Variants in SPANXN4 observed in about 807,000 individuals in gnomAD.
The protein encoded by SPANXN4 is sperm protein associated with the nucleus on the X chromosome N4.
In SPANXN4, 5 loss-of-function variants were observed where a neutral mutation model predicts 6.0. The ratio of observed to expected loss-of-function variants is 0.83; its 90% CI spans 0.44 to 1.75. The LOEUF (loss-of-function observed/expected upper bound fraction) is 1.75, where lower values mean the gene tolerates loss of function less well. Ranked by LOEUF, SPANXN4 falls within the 40% of genes most tolerant of loss-of-function variation. The pLI, the probability that SPANXN4 is intolerant of heterozygous loss-of-function variation, is 0.02. For synonymous variants in SPANXN4, 45 were observed against 38.0 expected, an observed-to-expected ratio of 1.19 and a Z score of -0.68; for missense variants, 157 against 108.6, an observed-to-expected ratio of 1.45 and a Z score of -1.98.
intron 1 of SPANXN4, 144 bp downstream of exon 1, chrX:143,026,236 A>G: frequency 4.1e-6 from 2 of 482,955 alleles, no homozygotes. Flanking sequence ...CGCTACATAC[A>G]GGCCAGCGTA....
chrX:143,027,889 C>T (rs1932787276), intron 1 of SPANXN4, among the ~76,000 whole-genome samples: 1 of 110,722 alleles, frequency 9.0e-6, no homozygotes, highest in Admixed American at 9.6e-5. Context: ...TTTTGGAAGG[C>T]GCCCTGCAGT....
chrX:143,027,957 G>A (rs1213658575), intron 1 of SPANXN4, among the ~76,000 whole-genome samples: 2 of 111,289 alleles, frequency 1.8e-5, no homozygotes, highest in Non-Finnish European at 3.8e-5. Context: ...CATGGGGAAG[G>A]GACACCAGGA....
exon 2 of SPANXN4, chrX:143,034,181 C>A: frequency 8.5e-7 from 1 of 1,180,904 alleles, no homozygotes; most frequent in South Asian, 1.9e-5. Context: ...CTCCACTGAT[C>A]CAATCAAAGA....
chrX:143,031,898 A>G (rs1187127455), intron 1 of SPANXN4, among the ~76,000 whole-genome samples: 1 of 111,554 alleles, frequency 9.0e-6, no homozygotes, highest in Non-Finnish European at 1.9e-5. Flanking sequence ...GTAGAGGAAA[A>G]GAGCATGGGC....
chrX:143,027,209 G>C (rs183593632), intron 1 of SPANXN4, among the ~76,000 whole-genome samples: 58 of 112,326 alleles, frequency 5.2e-4, no homozygotes, highest in Non-Finnish European at 9.9e-4. Flanking sequence ...AAGTTGAATA[G>C]CTGCCAGCAA....
At chrX:143,028,096 G>A (rs972101747) in intron 1 of SPANXN4, among the ~76,000 whole-genome samples, 3 of 111,629 alleles carry the variant, frequency 2.7e-5, no homozygotes, top group African/African-American at 9.8e-5. Context: ...CTGTGAGGGA[G>A]AGAGAGTAAT....
intron 1 of SPANXN4, among the ~76,000 whole-genome samples, chrX:143,027,849 G>T (rs987401769): frequency 2.7e-5 from 3 of 110,923 alleles, no homozygotes; most frequent in Non-Finnish European, 5.7e-5. Flanking sequence ...AGGGCAAAAG[G>T]AGAAAAAGGA....
intron 1 of SPANXN4, among the ~76,000 whole-genome samples, chrX:143,027,851 GA>G (rs1932787118): frequency 9.0e-6 from 1 of 110,917 alleles, no homozygotes; most frequent in Non-Finnish European, 1.9e-5. Flanking sequence ...GGCAAAAGGA[GA>G]AAAAGGAGAT....
intron 2 of SPANXN4, 84 bp downstream of exon 2, chrX:143,034,395 G>A: frequency 9.4e-7 from 1 of 1,064,214 alleles, no homozygotes; most frequent in East Asian, 3.3e-5. Flanking sequence ...GGAGGGATAT[G>A]AGATCCTGTA....
chrX:143,034,314 A>C lies in SPANXN4; in HGVS notation c.283+82A>C. The C allele has an allele frequency of 1.9e-6, 2 of 1,060,718 alleles. No individual in the cohort carries two copies. Among genetic ancestry groups the C allele is most frequent in the East Asian group, 6.6e-5 (2 of 30,191 alleles). The allele number at this position is 1,060,718 out of a possible 1,213,427, so 87.4% of individuals were successfully genotyped here. ...ATAAAATCAGTTTGAGGAGCTGATG[A>C]CTGTGTATACCTCTGCCTTTTTTTC... is the stretch of plus-strand genomic sequence containing the variant. On this transcript the variant is annotated intron_variant, in intron 2 of 2. Transcript: ENST00000370504.
At chrX:143,033,641 A>T (rs1421379456) in intron 1 of SPANXN4, among the ~76,000 whole-genome samples, 1 of 111,380 alleles carries the variant, frequency 9.0e-6, no homozygotes, top group Non-Finnish European at 1.9e-5. Flanking sequence ...TTCCTGTGGG[A>T]TGTCATTGTG....
At chrX:143,027,692 C>A (rs1476043882) in intron 1 of SPANXN4, among the ~76,000 whole-genome samples, 1 of 110,577 alleles carries the variant, frequency 9.0e-6, no homozygotes, top group Non-Finnish European at 1.9e-5. Flanking sequence ...CTGTGAACTG[C>A]TGGATTTGTG....
chrX:143,032,262 C>G (rs1305730135), intron 1 of SPANXN4, among the ~76,000 whole-genome samples: 1 of 111,639 alleles, frequency 9.0e-6, no homozygotes, highest in African/African-American at 3.3e-5. Context: ...GAGATGGGAA[C>G]ATGATCTCAG....
intron 1 of SPANXN4, among the ~76,000 whole-genome samples, chrX:143,030,295 A>T (rs1211152721): frequency 9.0e-6 from 1 of 111,257 alleles, no homozygotes; most frequent in Non-Finnish European, 1.9e-5. Context: ...GGTAGGAGAA[A>T]CGCAAGGTAA....
chrX:143,036,045 G>A (rs1260747017), downstream of SPANXN4, among the ~76,000 whole-genome samples: 2 of 104,906 alleles, frequency 1.9e-5, no homozygotes, highest in African/African-American at 7.0e-5. Flanking sequence ...TTAACTTAGT[G>A]TGATGTCCTC....
chrX:143,035,863 G>C (rs1449447291), downstream of SPANXN4, among the ~76,000 whole-genome samples: 1 of 107,971 alleles, frequency 9.3e-6, no homozygotes, highest in African/African-American at 3.4e-5. Flanking sequence ...CTGTACATTA[G>C]ATCACTAGAC....
chrX:143,037,613 T>C (rs949280774), downstream of SPANXN4, among the ~76,000 whole-genome samples: 1 of 111,390 alleles, frequency 9.0e-6, no homozygotes, highest in Non-Finnish European at 1.9e-5. Context: ...ATTTTCTCTA[T>C]TGCTATGGTT....
chrX:143,034,545 G>A (rs759577127), exon 3 of SPANXN4: 27 of 1,155,932 alleles, frequency 2.3e-5, no homozygotes, highest in South Asian at 1.2e-4. Context: ...CTTGGAGCAC[G>A]TGCATGTTTA....
At chrX:143,038,058 G>A (rs1200677193), downstream of SPANXN4, among the ~76,000 whole-genome samples, 5 of 111,542 alleles carry the variant, frequency 4.5e-5, no homozygotes, top group African/African-American at 6.5e-5. Flanking sequence ...ATAGACTTTC[G>A]ATAGCAGTTC....
Sources: allele counts gnomAD v4.1 joint callset (sites outside exome capture counted in the v4.1 genomes callset), GRCh38; gene constraint gnomAD v4.1.1; transcripts MANE v1.5; gene names NCBI Gene and HGNC (gene_info 2026-07-23, HGNC 2026-07-21).